The following MAPK6 variants were observed in gnomAD, a reference collection of about 807,000 sequenced individuals.
MAPK6 encodes mitogen-activated protein kinase 6.
Under a neutral mutation model 59.3 loss-of-function variants are expected in MAPK6, and 19 were observed. The observed-to-expected ratio is 0.32, with a 90% CI of 0.22 to 0.47. The LOEUF (loss-of-function observed/expected upper bound fraction) is 0.47, where lower values mean the gene tolerates loss of function less well. Among genes scored for constraint, MAPK6 ranks in the 20% least tolerant of loss-of-function variants. The pLI, the probability that MAPK6 is intolerant of heterozygous loss-of-function variation, is 1.00. For synonymous variants in MAPK6, 316 were observed against 290.3 expected (o/e 1.09, Z -0.90); for missense variants, 724 against 847.9 (o/e 0.85, Z 1.81).
chr15:52,060,845 A>T (rs949388432), intron 4 of MAPK6, among the ~76,000 whole-genome samples: 4 of 152,238 alleles, frequency 2.6e-5, no homozygotes, highest in African/African-American at 9.6e-5. Context: ...TACATACCAG[A>T]CACTATGATT....
chr15:52,016,961 TTGAGCAGAGGTTGCAG>T (rs567308120), upstream of MAPK6, among the ~76,000 whole-genome samples: 69 of 152,114 alleles, frequency 4.5e-4, no homozygotes, highest in Admixed American at 2.9e-3. Flanking sequence ...GGGGAATCGC[TTGAGCAGAGGTTGCAG>T]TGAGCAGAGG....
At chr15:52,032,017 C>T (rs1306534808) in intron 1 of MAPK6, among the ~76,000 whole-genome samples, 2 of 151,418 alleles carry the variant, frequency 1.3e-5, no homozygotes, top group South Asian at 2.1e-4. Flanking sequence ...TCTTCTGCAG[C>T]GCCCACCACC....
intron 1 of MAPK6, among the ~76,000 whole-genome samples, chr15:51,979,153 A>G (rs2141804109): frequency 6.7e-6 from 1 of 148,810 alleles, no homozygotes; most frequent in African/African-American, 2.5e-5. Context: ...GAGGGAGGGA[A>G]GGAAGAGAAG....
Position 52,064,909 on chromosome 15 carries a change from C to T in MAPK6, c.2075C>T (p.Ser692Leu). The T allele has an allele frequency of 6.2e-7, 1 of 1,611,914 alleles. No individual in the cohort carries two copies. The highest frequency in any genetic ancestry group is 8.5e-7 in the Non-Finnish European group (1 of 1,179,808). The stretch of plus-strand genomic sequence containing the variant: ...AGTCCAGTTGGGTCACCACTTAAGT[C>T]AATACAGGCCACATTAACACCTTCT... ...FHSPVGSPLK[S>L]IQATLTPSAM... Residue 692 changes from serine to leucine, a missense_variant, in exon 6 of 6, where the codon TCA becomes TTA. Ser to Leu is a moderately radical substitution (Grantham distance 145). Around this residue, in one of 4 missense-constraint regions of MAPK6, gnomAD observed 502 missense variants for 507.6 expected, o/e 0.99. Coordinates refer to ENST00000261845, the MANE Select transcript of MAPK6 (RefSeq NM_002748.4).
rs376928524 is a variant in MAPK6 at position 52,012,965 on chromosome 15, C to T, written c.-632+8563C>T. On this transcript the variant is annotated intron_variant, in intron 3 of 7. Transcript: ENST00000691380. ...TTGTGCCACTATACTCCAGCCTGGG[C>T]GACAGAGTGAGACTCCGCCTGGAAA... Among the ~76,000 whole-genome samples, 46 of 124,394 alleles carry T rather than the reference C, an allele frequency of 3.7e-4. 5 individuals are homozygous for T. Among genetic ancestry groups the T allele is most frequent in the South Asian group, 2.4e-3 (9 of 3,690 alleles). The allele number at this position is 124,394 out of a possible 152,430, so 81.6% of individuals were successfully genotyped here.
chr15:51,985,775 G>A (rs552439972), intron 2 of MAPK6, among the ~76,000 whole-genome samples: 1 of 151,940 alleles, frequency 6.6e-6, no homozygotes, highest in Non-Finnish European at 1.5e-5. Flanking sequence ...TGGCTAACAC[G>A]GTGAAACCCC....
rs759032674 is a variant in MAPK6 at position 52,064,703 on chromosome 15, C to CACTT, written c.1872_1875dup (p.Thr626LeufsTer3). The CACTT allele has an allele frequency of 3.7e-6, 6 of 1,611,852 alleles. No homozygotes were observed. The highest frequency in any genetic ancestry group is 2.3e-4 in the Middle Eastern group (1 of 4,430). On this transcript the variant is annotated frameshift_variant, in exon 6 of 6. Transcript: ENST00000261845. LOFTEE classifies it high-confidence loss of function. Reference sequence around the variant, plus strand: ...AGGATGAACAAGTTGAGAAGGAAAACACTTACACTAGTTACTTGGACAAGT... The same window carrying CACTT: ...AGGATGAACAAGTTGAGAAGGAAAACACTTACTTACACTAGTTACTTGGACAAGT...
chr15:52,028,541 T>C (rs1249991647), intron 1 of MAPK6, among the ~76,000 whole-genome samples: 1 of 152,220 alleles, frequency 6.6e-6, no homozygotes, highest in African/African-American at 2.4e-5. Context: ...ATGAAATGTG[T>C]GGCTGTTAAA....
At chr15:52,022,456 T>A (rs530128050) in intron 1 of MAPK6, among the ~76,000 whole-genome samples, 1 of 152,198 alleles carries the variant, frequency 6.6e-6, no homozygotes, top group African/African-American at 2.4e-5. Flanking sequence ...GAGATGAATG[T>A]TCACAGTGTT....
chr15:51,976,120 G>T (rs771154077), intron 1 of MAPK6, among the ~76,000 whole-genome samples: 2 of 149,356 alleles, frequency 1.3e-5, no homozygotes, highest in Admixed American at 6.6e-5. Flanking sequence ...TAAAAAATTT[G>T]CCGGGCGTGG....
intron 5 of MAPK6, among the ~76,000 whole-genome samples, chr15:52,062,751 C>A (rs1447586666): frequency 6.6e-6 from 1 of 152,080 alleles, no homozygotes; most frequent in Non-Finnish European, 1.5e-5. Flanking sequence ...GGCGACAGAG[C>A]AAGACTCCGT....
At chr15:52,045,665 G>C (rs2031572542) in intron 1 of MAPK6, among the ~76,000 whole-genome samples, 165 bp from the exon 2 acceptor site, 1 of 152,170 alleles carries the variant, frequency 6.6e-6, no homozygotes, top group African/African-American at 2.4e-5. Flanking sequence ...TAACATTTTT[G>C]TAAGCTATTT....
intron 2 of MAPK6, among the ~76,000 whole-genome samples, chr15:51,996,136 GC>G (rs750003334): frequency 2.6e-5 from 4 of 152,062 alleles, no homozygotes; most frequent in African/African-American, 7.2e-5. Flanking sequence ...TCACAACAAG[GC>G]AAGGGAATAA....
chr15:52,010,918 C>G (rs559908542), intron 3 of MAPK6: 1 of 152,198 alleles, frequency 6.6e-6, no homozygotes, highest in Admixed American at 6.5e-5. Flanking sequence ...TGTGATCTGC[C>G]TCTCATCAAA....
At chr15:52,003,031 A>G (rs922234239) in intron 2 of MAPK6, among the ~76,000 whole-genome samples, 4 of 152,162 alleles carry the variant, frequency 2.6e-5, no homozygotes, top group Admixed American at 2.6e-4. Context: ...TACTAAAAAT[A>G]TAATAATTAG....
chr15:52,038,301 A>G (rs2031308540), intron 1 of MAPK6, among the ~76,000 whole-genome samples: 1 of 152,192 alleles, frequency 6.6e-6, no homozygotes, highest in South Asian at 2.1e-4. Flanking sequence ...AAGATGTTTT[A>G]AAAACATCTT....
At chr15:52,026,843 A>C (rs2030799724) in intron 1 of MAPK6, among the ~76,000 whole-genome samples, 1 of 148,392 alleles carries the variant, frequency 6.7e-6, no homozygotes, top group African/African-American at 2.5e-5. Context: ...CAAAGTCAGG[A>C]GTTCTAGACT....
At chr15:52,039,601 C>T (rs959598016) in intron 1 of MAPK6, among the ~76,000 whole-genome samples, 4 of 149,982 alleles carry the variant, frequency 2.7e-5, no homozygotes, top group South Asian at 2.1e-4. Context: ...CTGCAGCGTC[C>T]GCCTCCCAGG....
Position 52,065,269 on chromosome 15 carries a change from TTC to T in MAPK6, c.*274_*275del, listed in dbSNP as rs1390910845. 9.5e-6 allele frequency: 3 copies of T among 317,392 alleles called. No individual in the cohort carries two copies. Among genetic ancestry groups the T allele is most frequent in the African/African-American group, 4.3e-5 (2 of 46,608 alleles). The allele number at this position is 317,392 out of a possible 1,614,324, so 19.7% of individuals were successfully genotyped here. A position where few individuals can be genotyped will look rare whatever the true frequency, so the allele number is the denominator to read the frequency against. Reference sequence around the variant, plus strand: ...AAAGAAATGCACTAAGACAAGAACATTCTCTCATAGAACATTGATCTGTTTTA... The same window carrying T: ...AAAGAAATGCACTAAGACAAGAACATTCTCATAGAACATTGATCTGTTTTA... On this transcript the variant is annotated 3_prime_UTR_variant, in exon 6 of 6. Transcript: ENST00000261845.
Sources: allele counts gnomAD v4.1 joint callset (sites outside exome capture counted in the v4.1 genomes callset), GRCh38; gene constraint gnomAD v4.1.1; regional missense constraint gnomAD v4.1.1; transcripts MANE v1.5; gene names NCBI Gene and HGNC (gene_info 2026-07-23, HGNC 2026-07-21).